Variants in ZNF746 observed in about 807,000 individuals in gnomAD.
The protein encoded by ZNF746 is parkin-interacting substrate.
A neutral mutation model predicts 41.0 loss-of-function variants in ZNF746; 13 were observed. That is an observed-to-expected ratio of 0.32 (90% CI 0.21 to 0.50). The LOEUF (loss-of-function observed/expected upper bound fraction) is 0.50, where lower values mean the gene tolerates loss of function less well. Among genes scored for constraint, ZNF746 ranks in the 20% least tolerant of loss-of-function variants. The probability of loss-of-function intolerance (pLI) is 0.98; values close to 1 mark genes in which losing one functional copy is unlikely to be tolerated. For missense variants in ZNF746, 811 were observed against 922.9 expected, an observed-to-expected ratio of 0.88 and a Z score of 1.57; for synonymous variants, 424 against 396.2, an observed-to-expected ratio of 1.07 and a Z score of -0.83.
intron 4 of ZNF746, chr7:149,491,649 G>C (rs1800812090): frequency 9.2e-6 from 5 of 542,556 alleles, no homozygotes; most frequent in Admixed American, 9.2e-5. Flanking sequence ...GTGCAAATCT[G>C]ACTGAGATGA....
At position 149,497,155 on chromosome 7, in the gene ZNF746, G is replaced by A. The variant is rs752072678; in HGVS notation, c.24+358C>T. On this transcript the variant is annotated intron_variant, in intron 1 of 6. Transcript: ENST00000458143. The surrounding 1 kb of genome is among the most constrained non-coding windows in gnomAD (Gnocchi z 4.2). ...GGCCGCTGCGGGGGAGATGGAGAGG[G>A]ACCTACAGGCCGAGCGCCAGGCAGA... 31 of 985,242 alleles carry A rather than the reference G, an allele frequency of 3.1e-5. No homozygotes were observed. Among genetic ancestry groups the A allele is most frequent in the African/African-American group, 7.0e-5 (4 of 57,214 alleles). The allele number at this position is 985,242 out of a possible 1,614,324, so 61.0% of individuals were successfully genotyped here.
At chr7:149,480,143 G>C (rs1185739175) in intron 4 of ZNF746, among the ~76,000 whole-genome samples, 1 of 152,118 alleles carries the variant, frequency 6.6e-6, no homozygotes, top group South Asian at 2.1e-4. Flanking sequence ...CAGGAGGAAA[G>C]CATTTTAAAC....
intron 4 of ZNF746, among the ~76,000 whole-genome samples, chr7:149,492,536 T>A (rs886270334): frequency 5.3e-5 from 8 of 152,208 alleles, no homozygotes; most frequent in African/African-American, 1.9e-4. Flanking sequence ...CTGGTGCCCC[T>A]GGCCCCTGCG....
Position 149,497,371 on chromosome 7 carries a change from C to T in ZNF746, c.24+142G>A. 3.0e-6 allele frequency: 3 copies of T among 991,764 alleles called. No individual in the cohort carries two copies. Among genetic ancestry groups the T allele is most frequent in the Non-Finnish European group, 3.6e-6 (3 of 829,492 alleles). The allele number at this position is 991,764 out of a possible 1,614,324, so 61.4% of individuals were successfully genotyped here. ...GCGCAGTAGGCCCCGGCGGACCCCGCGCCCCATTCGCGGGAGCCCCAGGCC... is the reference window on the plus strand; with the variant it reads ...GCGCAGTAGGCCCCGGCGGACCCCGTGCCCCATTCGCGGGAGCCCCAGGCC... On this transcript the variant is annotated intron_variant, in intron 1 of 6. Coordinates refer to ENST00000458143, the MANE Select transcript of ZNF746 (RefSeq NM_001394198.1). This position sits in a 1 kb window ranked among gnomAD's most constrained non-coding sequence, Gnocchi z 4.2.
In ZNF746 at chr7:149,475,498, AAGAC is replaced by A. The variant is rs777250856; in HGVS notation, c.884-19_884-16del. 1 of 1,606,202 alleles carries A rather than the reference AAGAC, an allele frequency of 6.2e-7. No homozygotes were observed. Among genetic ancestry groups the A allele is most frequent in the Non-Finnish European group, 8.5e-7 (1 of 1,175,348 alleles). Reference sequence around the variant, plus strand: ...TTTTACATCTGCTGAGAAAGACAGAAAGACAGATACTGACCTGTCCCTTAACTGC... The same window carrying A: ...TTTTACATCTGCTGAGAAAGACAGAAAGATACTGACCTGTCCCTTAACTGC... On this transcript the variant is annotated splice_polypyrimidine_tract_variant and intron_variant, in intron 6 of 6. Transcript: ENST00000458143.
At chr7:149,480,642 C>T (rs1291356382) in intron 4 of ZNF746, among the ~76,000 whole-genome samples, 1 of 152,072 alleles carries the variant, frequency 6.6e-6, no homozygotes, top group Non-Finnish European at 1.5e-5. Flanking sequence ...CACTGTGTTG[C>T]CCAGGCTGGT....
chr7:149,492,384 G>T (rs1725032012), intron 4 of ZNF746, among the ~76,000 whole-genome samples: 1 of 152,182 alleles, frequency 6.6e-6, no homozygotes. Flanking sequence ...GTATCACTAT[G>T]TAACACACAG....
chr7:149,474,604 C>A lies in ZNF746; in HGVS notation c.1763G>T (p.Gly588Val), dbSNP rs765092321. The A allele has an allele frequency of 6.2e-7, 1 of 1,612,846 alleles. No homozygotes were observed. Residue 588 changes from glycine (G) to valine (V), a missense_variant, in exon 7 of 7, where the codon GGC (glycine) becomes GTC (valine). Gly to Val is a moderately radical substitution (Grantham distance 109, BLOSUM62 -3). Around this residue, in one of 4 missense-constraint regions of ZNF746, gnomAD observed 70 missense variants for 127.6 expected, o/e 0.55. Coordinates refer to ENST00000458143, the MANE Select transcript of ZNF746 (RefSeq NM_001394198.1). This position sits in a 1 kb window ranked among gnomAD's most constrained non-coding sequence, Gnocchi z 6.3. Reference protein sequence around the residue: ...GVRPFTCTVCGKSFIRKDHLR... With the variant: ...GVRPFTCTVCVKSFIRKDHLR... ...GTGGTCCTTGCGGATGAAGCTTTTG[C>A]CGCAGACGGTGCAGGTGAAGGGCCG... is the stretch of plus-strand genomic sequence containing the variant.
intron 4 of ZNF746, among the ~76,000 whole-genome samples, chr7:149,484,752 GA>G (rs1419683160): frequency 6.6e-6 from 1 of 151,996 alleles, no homozygotes; most frequent in East Asian, 1.9e-4. Flanking sequence ...TAACTTTTCA[GA>G]AAAACTGAGA....
At position 149,477,186 on chromosome 7, in the gene ZNF746, C is replaced by A. The variant is rs73727722; in HGVS notation, c.758-139G>T. The A allele has an allele frequency of 1.8e-3, 1,885 of 1,050,718 alleles. 33 individuals are homozygous for A. In the African/African-American group the frequency reaches 0.026, roughly 15 times the overall value. The allele number at this position is 1,050,718 out of a possible 1,614,324, so 65.1% of individuals were successfully genotyped here. A position where few individuals can be genotyped will look rare whatever the true frequency, so the allele number is the denominator to read the frequency against. ...GAGTGGGCACGAGGACCCAACCTCT[C>A]TGAACCCAGTGTCTTTTGTCCCCCT... On this transcript the variant is annotated intron_variant, in intron 5 of 6. Transcript: ENST00000458143.
chr7:149,493,031 T>G (rs1800862517), intron 3 of ZNF746, 59 bp from the exon 4 acceptor site: 3 of 1,187,632 alleles, frequency 2.5e-6, no homozygotes, highest in Admixed American at 3.9e-5. Context: ...GGGACAGTCA[T>G]CCCGGAAAAC....
At chr7:149,485,602 C>A (rs746832528) in intron 4 of ZNF746, among the ~76,000 whole-genome samples, 6 of 152,050 alleles carry the variant, frequency 3.9e-5, no homozygotes, top group Non-Finnish European at 8.8e-5. Flanking sequence ...GCTTAAGACA[C>A]AAAAAGGACA....
rs1175192756 is a variant in ZNF746, at chr7:149,476,912, C to T, written c.883+10G>A. 4 of 1,613,960 alleles carry T rather than the reference C, an allele frequency of 2.5e-6. No homozygotes were observed. The highest frequency in any genetic ancestry group is 2.2e-5 in the East Asian group (1 of 44,868). On this transcript the variant is annotated intron_variant, in intron 6 of 6. Transcript: ENST00000458143. ...CATGGCCCTTCCCTTCCTCCTCTCG[C>T]CACCTGTACCTTCCGTGGAGGCTGC...
intron 4 of ZNF746, among the ~76,000 whole-genome samples, chr7:149,478,958 T>C (rs1044909425): frequency 2.6e-5 from 4 of 151,906 alleles, no homozygotes; most frequent in Admixed American, 1.3e-4. Flanking sequence ...GGGAGAGAGA[T>C]CCAGGGAAAT....
chr7:149,486,059 T>C (rs1486106153), intron 4 of ZNF746, among the ~76,000 whole-genome samples: 1 of 151,914 alleles, frequency 6.6e-6, no homozygotes, highest in Non-Finnish European at 1.5e-5. Flanking sequence ...CTTAAAAAAA[T>C]GCAAAGAAGA....
intron 3 of ZNF746, 30 bp downstream of exon 3, chr7:149,493,959 T>A: frequency 6.2e-7 from 1 of 1,614,144 alleles, no homozygotes; most frequent in Non-Finnish European, 8.5e-7. Context: ...CAAAATCCCA[T>A]TTAACAGAGA....
rs10249044 is a variant in ZNF746, at chr7:149,477,831, A to C, written c.566-76T>G. ...GGGGCATACACGCATCCAGCCGGAG[A>C]GATAGACACAGGGGCCTTACAAGGG... On this transcript the variant is annotated intron_variant, in intron 4 of 6. Coordinates refer to ENST00000458143, the MANE Select transcript of ZNF746 (RefSeq NM_001394198.1). The C allele has an allele frequency of 7.3e-3, 9,296 of 1,275,060 alleles. 524 individuals carry two copies. The African/African-American group carries it at 0.12, about 16-fold the overall frequency. The allele number at this position is 1,275,060 out of a possible 1,614,324, so 79.0% of individuals were successfully genotyped here.
rs1393387063 is a variant in ZNF746 at position 149,494,563 on chromosome 7, C to G, written c.25-60G>C. 6.3e-7 allele frequency: 1 copy of G among 1,596,024 alleles called. No homozygotes were observed. The highest frequency in any genetic ancestry group is 2.2e-5 in the East Asian group (1 of 44,718). On this transcript the variant is annotated intron_variant, in intron 1 of 6. Coordinates refer to ENST00000458143, the MANE Select transcript of ZNF746 (RefSeq NM_001394198.1). This position sits in a 1 kb window ranked among gnomAD's most constrained non-coding sequence, Gnocchi z 5.6. ...TTCCATCCACTGTCTTCATTGAGCC[C>G]CTCTCTCCCTAGGCACGGGGGAGTT...
In ZNF746 at chr7:149,477,735, C is replaced by T. The variant is rs147702038; in HGVS notation, c.586G>A (p.Ala196Thr). 22 of 1,607,378 alleles carry T rather than the reference C, an allele frequency of 1.4e-5. No individual in the cohort carries two copies. Among genetic ancestry groups the T allele is most frequent in the Admixed American group, 5.0e-5 (3 of 59,742 alleles). The stretch of plus-strand genomic sequence containing the variant: ...TTGATCTGCATCAAGAGGTCTGGGG[C>T]GGGAACTGGGGGCCCCGAGCCTAGG... The part of the protein sequence containing the change: ...PSPGSGPPVP[A>T]PDLLMQIKQE... Residue 196 changes from alanine (A) to threonine (T), a missense_variant, in exon 5 of 7, where the codon GCC (alanine) becomes ACC (threonine). By Grantham distance (58) the Ala-to-Thr change is moderately conservative. Transcript: ENST00000458143.
Sources: allele counts gnomAD v4.1 joint callset (sites outside exome capture counted in the v4.1 genomes callset), GRCh38; gene constraint gnomAD v4.1.1; regional missense constraint gnomAD v4.1.1; non-coding constraint Gnocchi (gnomAD v3.1); transcripts MANE v1.5; gene names NCBI Gene and HGNC (gene_info 2026-07-23, HGNC 2026-07-21).